The following ZCWPW2 variants were observed in gnomAD, a reference collection of about 807,000 sequenced individuals.
ZCWPW2 encodes zinc finger CW-type and PWWP domain containing 2.
In ZCWPW2, 45 loss-of-function variants were observed where a neutral mutation model predicts 46.6. The observed-to-expected ratio is 0.96, with a 90% CI of 0.76 to 1.24. The LOEUF is 1.24. Among genes scored for constraint, ZCWPW2 ranks in the 50% most tolerant of loss-of-function variants. The pLI, the probability that ZCWPW2 is intolerant of heterozygous loss-of-function variation, is 0.00. For missense variants in ZCWPW2, 429 were observed against 403.9 expected, an observed-to-expected ratio of 1.06 and a Z score of -0.53; for synonymous variants, 152 against 137.1, an observed-to-expected ratio of 1.11 and a Z score of -0.76.
chr3:28,514,934 A>C (rs890029294), intron 7 of ZCWPW2, among the ~76,000 whole-genome samples: 3 of 152,150 alleles, frequency 2.0e-5, no homozygotes, highest in Non-Finnish European at 4.4e-5. Context: ...TCAGAAGATG[A>C]ATAACTAAAT....
chr3:28,349,675 G>C (rs761138948), intron 1 of ZCWPW2, among the ~76,000 whole-genome samples: 4 of 152,146 alleles, frequency 2.6e-5, no homozygotes, highest in Non-Finnish European at 4.4e-5. Flanking sequence ...AGTCATTGAA[G>C]GTCGCAGCCA....
intron 3 of ZCWPW2, among the ~76,000 whole-genome samples, chr3:28,433,753 C>G (rs540362655): frequency 1.2e-4 from 17 of 140,408 alleles, no homozygotes; most frequent in Non-Finnish European, 2.5e-4. Context: ...AAGACTCCCT[C>G]TTAAAAAAAA....
intron 4 of ZCWPW2, among the ~76,000 whole-genome samples, chr3:28,458,962 T>A (rs1480663784): frequency 6.6e-6 from 1 of 152,254 alleles, no homozygotes; most frequent in African/African-American, 2.4e-5. Context: ...AATGTTGTTA[T>A]CCTGTTGCCA....
At chr3:28,363,551 T>C (rs1460577400) in intron 1 of ZCWPW2, among the ~76,000 whole-genome samples, 1 of 152,118 alleles carries the variant, frequency 6.6e-6, no homozygotes, top group African/African-American at 2.4e-5. Context: ...GTTTGCCCAT[T>C]TGTAGAGATA....
intron 8 of ZCWPW2, among the ~76,000 whole-genome samples, chr3:28,519,488 C>G (rs949916482): frequency 1.2e-4 from 18 of 152,034 alleles, no homozygotes; most frequent in African/African-American, 4.3e-4. Flanking sequence ...TAATGACAAC[C>G]AAGAAAGGGA....
At chr3:28,372,259 A>C (rs1705360939) in intron 1 of ZCWPW2, among the ~76,000 whole-genome samples, 1 of 152,180 alleles carries the variant, frequency 6.6e-6, no homozygotes, top group Non-Finnish European at 1.5e-5. Context: ...ATTTATGTGA[A>C]ATATTCACTT....
chr3:28,445,318 A>G (rs561903677), intron 4 of ZCWPW2, among the ~76,000 whole-genome samples: 2 of 152,142 alleles, frequency 1.3e-5, no homozygotes, highest in South Asian at 4.2e-4. Context: ...TGTTTTCTGC[A>G]TAACTTAAGA....
At chr3:28,380,962 ATATATATATTTG>A (rs1695044365) in intron 1 of ZCWPW2, among the ~76,000 whole-genome samples, 4 of 53,906 alleles carry the variant, frequency 7.4e-5, no homozygotes, top group Non-Finnish European at 9.4e-5. Context: ...ATATATATAT[ATATATATATTTG>A]GTATATATAT....
chr3:28,396,159 A>T (rs753603626), intron 2 of ZCWPW2, among the ~76,000 whole-genome samples: 4 of 152,166 alleles, frequency 2.6e-5, no homozygotes, highest in Non-Finnish European at 5.9e-5. Flanking sequence ...TTCAGAGATC[A>T]TCTAGCCCTA....
At chr3:28,395,016 G>A (rs958653006) in intron 2 of ZCWPW2, among the ~76,000 whole-genome samples, 1 of 152,020 alleles carries the variant, frequency 6.6e-6, no homozygotes, top group African/African-American at 2.4e-5. Flanking sequence ...TCTGATAAGG[G>A]GTTAATATCC....
At chr3:28,444,439 T>C (rs537336129) in intron 4 of ZCWPW2, among the ~76,000 whole-genome samples, 20 of 152,250 alleles carry the variant, frequency 1.3e-4, no homozygotes, top group Middle Eastern at 3.4e-3. Flanking sequence ...GCAGAAAGGA[T>C]GATGGCAGCA....
chr3:28,391,604 T>C (rs1427415143), intron 2 of ZCWPW2, among the ~76,000 whole-genome samples: 1 of 152,206 alleles, frequency 6.6e-6, no homozygotes, highest in African/African-American at 2.4e-5. Flanking sequence ...GTGTGGCTTA[T>C]GCTACCACAT....
At chr3:28,417,480 A>G (rs1259445512) in intron 3 of ZCWPW2, among the ~76,000 whole-genome samples, 4 of 152,172 alleles carry the variant, frequency 2.6e-5, no homozygotes, top group Non-Finnish European at 5.9e-5. Context: ...ATTCCAATCA[A>G]TAGAAAAAGA....
chr3:28,459,924 A>G (rs922216137), intron 4 of ZCWPW2, among the ~76,000 whole-genome samples: 2 of 152,158 alleles, frequency 1.3e-5, no homozygotes, highest in Non-Finnish European at 2.9e-5. Flanking sequence ...TTTAGTAAAT[A>G]TATGTTAAAG....
intron 2 of ZCWPW2, among the ~76,000 whole-genome samples, chr3:28,399,718 T>C (rs547589569): frequency 6.6e-6 from 1 of 151,970 alleles, no homozygotes; most frequent in East Asian, 1.9e-4. Context: ...GCCATGTCCA[T>C]AGGAAAAAGG....
intron 4 of ZCWPW2, among the ~76,000 whole-genome samples, chr3:28,448,616 C>T (rs1290132647): frequency 5.9e-5 from 9 of 151,358 alleles, no homozygotes; most frequent in Non-Finnish European, 5.9e-5. Flanking sequence ...AAAACCCCAC[C>T]TCTACTAAAA....
At chr3:28,495,204 C>G (rs1575207344) in intron 6 of ZCWPW2, among the ~76,000 whole-genome samples, 1 of 152,208 alleles carries the variant, frequency 6.6e-6, no homozygotes, top group South Asian at 2.1e-4. Context: ...GTAACCAAAA[C>G]AGCAGGAATC....
intron 1 of ZCWPW2, among the ~76,000 whole-genome samples, chr3:28,378,525 A>G (rs1156840730): frequency 6.6e-6 from 1 of 152,112 alleles, no homozygotes; most frequent in Non-Finnish European, 1.5e-5. Flanking sequence ...CGAATTAACT[A>G]TTATTACCAT....
chr3:28,484,682 C>T (rs1699536622), intron 5 of ZCWPW2, among the ~76,000 whole-genome samples: 1 of 150,544 alleles, frequency 6.6e-6, no homozygotes, highest in African/African-American at 2.4e-5. Flanking sequence ...CCCTTTCCTC[C>T]TTCCTTCCTG....
Sources: allele counts gnomAD v4.1 joint callset (sites outside exome capture counted in the v4.1 genomes callset), GRCh38; gene constraint gnomAD v4.1.1; transcripts MANE v1.5; gene names NCBI Gene and HGNC (gene_info 2026-07-23, HGNC 2026-07-21).